The following NFIA variants were observed in gnomAD, a reference collection of about 807,000 sequenced individuals.
The protein encoded by NFIA is nuclear factor 1 A-type.
In NFIA, 8 loss-of-function variants were observed where a neutral mutation model predicts 62.8. The observed-to-expected ratio is 0.13, with a 90% CI of 0.07 to 0.23. NFIA has a LOEUF of 0.23. Among genes scored for constraint, NFIA ranks in the 10% least tolerant of loss-of-function variants. The pLI is 1.00. For synonymous variants in NFIA, 235 were observed against 238.1 expected, an observed-to-expected ratio of 0.99 and a Z score of 0.12; for missense variants, 410 against 642.1, an observed-to-expected ratio of 0.64 and a Z score of 3.91.
chr1:61,167,102 C>G (rs1236233644), intron 2 of NFIA, among the ~76,000 whole-genome samples: 1 of 152,188 alleles, frequency 6.6e-6, no homozygotes, highest in African/African-American at 2.4e-5. Context: ...GATCATGCCA[C>G]TGCACTCCAG....
chr1:61,090,824 A>G (rs1336161756), intron 2 of NFIA, among the ~76,000 whole-genome samples: 3 of 152,226 alleles, frequency 2.0e-5, no homozygotes, highest in Admixed American at 1.3e-4. Flanking sequence ...TGTGCGCGCA[A>G]CAGGAAGACT....
intron 2 of NFIA, among the ~76,000 whole-genome samples, chr1:61,148,951 C>T (rs1295675604): frequency 3.9e-5 from 6 of 152,184 alleles, no homozygotes; most frequent in Non-Finnish European, 8.8e-5. Flanking sequence ...TAGCTCACTA[C>T]AGCCTCGAAC....
At chr1:61,294,548 A>T (rs183306380) in intron 3 of NFIA, among the ~76,000 whole-genome samples, 33 of 152,364 alleles carry the variant, frequency 2.2e-4, no homozygotes, top group Non-Finnish European at 4.0e-4. Context: ...TAGGATTTTG[A>T]ATCAGTTTAA....
At chr1:61,243,558 T>C (rs1356102769) in intron 2 of NFIA, among the ~76,000 whole-genome samples, 1 of 152,192 alleles carries the variant, frequency 6.6e-6, no homozygotes, top group Admixed American at 6.5e-5. Flanking sequence ...GTTGTTTTTT[T>C]TCTATTACAT....
intron 2 of NFIA, among the ~76,000 whole-genome samples, chr1:61,129,145 A>G (rs1336578683): frequency 2.0e-5 from 3 of 151,578 alleles, no homozygotes; most frequent in Admixed American, 1.3e-4. Context: ...GATGGTCTTG[A>G]TCTCCTGACC....
At chr1:61,291,366 A>G (rs564825617) in intron 3 of NFIA, among the ~76,000 whole-genome samples, 114 of 152,318 alleles carry the variant, frequency 7.5e-4, no homozygotes, top group African/African-American at 2.6e-3. Flanking sequence ...CTTTGAAACA[A>G]AAGATTCTAA....
intron 2 of NFIA, among the ~76,000 whole-genome samples, chr1:61,181,162 G>C (rs1270001071): frequency 1.3e-5 from 2 of 152,168 alleles, no homozygotes; most frequent in East Asian, 3.9e-4. Context: ...CTCTTGTTGT[G>C]CAGATGCTGT....
intron 10 of NFIA, among the ~76,000 whole-genome samples, chr1:61,447,037 G>A (rs945939786): frequency 2.6e-5 from 4 of 152,074 alleles, no homozygotes; most frequent in Admixed American, 6.6e-5. Flanking sequence ...ATTGGAATCC[G>A]ATGTGTAGAA....
At chr1:61,341,402 T>G (rs1189834241) in intron 4 of NFIA, among the ~76,000 whole-genome samples, 1 of 152,016 alleles carries the variant, frequency 6.6e-6, no homozygotes, top group Non-Finnish European at 1.5e-5. Flanking sequence ...ATTTTAAAAT[T>G]TTGCTTTCAC....
chr1:61,354,175 C>T (rs1662702697), intron 5 of NFIA, among the ~76,000 whole-genome samples: 1 of 152,236 alleles, frequency 6.6e-6, no homozygotes, highest in South Asian at 2.1e-4. Context: ...TTTAAAAGGC[C>T]AGTGTCGTTC....
intron 3 of NFIA, among the ~76,000 whole-genome samples, chr1:61,295,978 C>T (rs533148379): frequency 2.0e-5 from 3 of 152,316 alleles, no homozygotes; most frequent in South Asian, 4.2e-4. Context: ...GCACACTCCT[C>T]TCTTAGGGGG....
At chr1:61,352,665 TAATAGAAGATA>T (rs2100430632) in intron 5 of NFIA, 98 bp downstream of exon 5, 1 of 943,358 alleles carries the variant, frequency 1.1e-6, no homozygotes, top group South Asian at 1.4e-5. Flanking sequence ...GCGCCTTTAG[TAATAGAAGATA>T]ACAAAGTAGT....
intron 2 of NFIA, among the ~76,000 whole-genome samples, chr1:61,140,053 C>T (rs970929091): frequency 6.6e-6 from 1 of 152,028 alleles, no homozygotes; most frequent in South Asian, 2.1e-4. Flanking sequence ...GAGGAATATC[C>T]AAAGAGTTAA....
intron 7 of NFIA, among the ~76,000 whole-genome samples, chr1:61,390,629 T>C (rs1212025059): frequency 6.6e-6 from 1 of 152,142 alleles, no homozygotes; most frequent in Non-Finnish European, 1.5e-5. Context: ...CAGAGAATTA[T>C]GAGAATTAAG....
At chr1:61,172,001 A>T (rs1165871012) in intron 2 of NFIA, among the ~76,000 whole-genome samples, 1 of 152,234 alleles carries the variant, frequency 6.6e-6, no homozygotes, top group Non-Finnish European at 1.5e-5. Context: ...GGAAGAATCC[A>T]TAGAGCTCCA....
At chr1:61,130,682 G>A (rs139349445) in intron 2 of NFIA, among the ~76,000 whole-genome samples, 1,772 of 152,250 alleles carry the variant, frequency 0.012, 20 homozygotes, top group Middle Eastern at 0.065. Flanking sequence ...TGTGTGGGGG[G>A]GCGTACGTTT....
At chr1:61,155,534 G>A (rs1446882348) in intron 2 of NFIA, among the ~76,000 whole-genome samples, 6 of 151,754 alleles carry the variant, frequency 4.0e-5, no homozygotes, top group Admixed American at 2.6e-4. Flanking sequence ...TTAGCCGGGC[G>A]CGGTGGTGGG....
intron 9 of NFIA, among the ~76,000 whole-genome samples, chr1:61,418,011 A>G (rs553553799): frequency 9.2e-5 from 14 of 152,326 alleles, no homozygotes; most frequent in African/African-American, 3.4e-4. Context: ...CACATTTCTA[A>G]TAAGAGATCT....
At chr1:61,253,132 T>C (rs1656155668) in intron 2 of NFIA, among the ~76,000 whole-genome samples, 1 of 152,192 alleles carries the variant, frequency 6.6e-6, no homozygotes, top group Non-Finnish European at 1.5e-5. Flanking sequence ...TGGAGTGTTA[T>C]ACAACATGGA....
Sources: allele counts gnomAD v4.1 joint callset (sites outside exome capture counted in the v4.1 genomes callset), GRCh38; gene constraint gnomAD v4.1.1; transcripts MANE v1.5; gene names NCBI Gene and HGNC (gene_info 2026-07-23, HGNC 2026-07-21).